Variants in SP2 observed in about 807,000 individuals in gnomAD.
SP2 encodes the protein Sp2 transcription factor.
A neutral mutation model predicts 50.1 loss-of-function variants in SP2; 9 were observed. The ratio of observed to expected loss-of-function variants is 0.18; its 90% CI spans 0.11 to 0.31. SP2 has a LOEUF of 0.31. SP2 is among the 10% of genes least tolerant of loss of function. The probability of loss-of-function intolerance (pLI) is 1.00; values close to 1 mark genes in which losing one functional copy is unlikely to be tolerated. For missense variants in SP2, 581 were observed against 806.5 expected, an observed-to-expected ratio of 0.72 and a Z score of 3.39; for synonymous variants, 313 against 326.6, an observed-to-expected ratio of 0.96 and a Z score of 0.45.
chr17:47,912,395 T>C (rs1328561368), intron 1 of SP2, among the ~76,000 whole-genome samples: 1 of 152,102 alleles, frequency 6.6e-6, no homozygotes, highest in Non-Finnish European at 1.5e-5. Flanking sequence ...ACTGGTGTGC[T>C]TTCTTACCAG....
intron 1 of SP2, 149 bp from the exon 2 acceptor site, chr17:47,915,163 A>C (rs2035141927): frequency 1.7e-6 from 1 of 600,858 alleles, no homozygotes; most frequent in East Asian, 2.9e-5. Context: ...CCGTGAGCCT[A>C]GATCATGCCA....
intron 3 of SP2, among the ~76,000 whole-genome samples, chr17:47,920,358 C>T (rs2035402033): frequency 1.3e-5 from 2 of 151,176 alleles, no homozygotes. Flanking sequence ...GGCGCCATCT[C>T]GGCTCACTGC....
chr17:47,927,881 G>T lies in SP2; in HGVS notation c.*57G>T. The stretch of plus-strand genomic sequence containing the variant: ...AGTCCCCCACCTGTGTCCTCCCTGG[G>T]CCCCTGGTGGAAAGGAGCCCTGTGG... On this transcript the variant is annotated 3_prime_UTR_variant, in exon 7 of 7. Coordinates refer to ENST00000376741, the MANE Select transcript of SP2 (RefSeq NM_003110.6). The T allele has an allele frequency of 4.6e-6, 5 of 1,093,556 alleles. No individual in the cohort carries two copies. Among genetic ancestry groups the T allele is most frequent in the Non-Finnish European group, 6.9e-6 (5 of 729,468 alleles). The allele number at this position is 1,093,556 out of a possible 1,614,324, so 67.7% of individuals were successfully genotyped here.
At chr17:47,920,008 T>A (rs544759470) in intron 3 of SP2, among the ~76,000 whole-genome samples, 1 of 151,608 alleles carries the variant, frequency 6.6e-6, no homozygotes, top group Admixed American at 6.6e-5. Flanking sequence ...GGCTAATTTT[T>A]TTTGTATTTT....
intron 1 of SP2, 56 bp from the exon 2 acceptor site, chr17:47,915,256 G>C: frequency 8.1e-7 from 1 of 1,234,960 alleles, no homozygotes; most frequent in Non-Finnish European, 1.1e-6. Flanking sequence ...GAGGCAAGTG[G>C]GCTTGCGTTC....
chr17:47,904,935 A>G (rs2034699470), intron 1 of SP2, among the ~76,000 whole-genome samples: 2 of 152,046 alleles, frequency 1.3e-5, no homozygotes, highest in Non-Finnish European at 2.9e-5. Context: ...ACACCCAGCT[A>G]GTTTGTAAAC....
At chr17:47,915,534 A>C (rs1469155848) in intron 2 of SP2, 146 bp downstream of exon 2, 2 of 515,754 alleles carry the variant, frequency 3.9e-6, no homozygotes, top group African/African-American at 2.0e-5. Flanking sequence ...CTTTACTGAG[A>C]AACTATGGCC....
intron 1 of SP2, chr17:47,908,463 T>G (rs2034849750): frequency 6.6e-6 from 1 of 152,154 alleles, no homozygotes. Flanking sequence ...AGCAACAAAC[T>G]CATCTTGTAT....
rs140904018 is a variant in SP2 at position 47,911,182 on chromosome 17, C to T, written c.8-4130C>T. ...CAGAGGTTGCGGTGAGCCGAGATCA[C>T]GCCACTGCTCTCCAGCCAGGGTGAT... On this transcript the variant is annotated intron_variant, in intron 1 of 6. Coordinates refer to ENST00000376741, the MANE Select transcript of SP2 (RefSeq NM_003110.6). Among the ~76,000 whole-genome samples, 620 of 152,030 alleles carry T rather than the reference C, an allele frequency of 4.1e-3. 9 individuals carry two copies. Among genetic ancestry groups the T allele is most frequent in the African/African-American group, 0.013 (542 of 41,446 alleles).
chr17:47,896,297 G>A lies in SP2; in HGVS notation c.7+4G>A. On this transcript the variant is annotated splice_donor_region_variant and intron_variant, in intron 1 of 6. Coordinates refer to ENST00000376741, the MANE Select transcript of SP2 (RefSeq NM_003110.6). Reference sequence around the variant, plus strand: ...GAGGAAGATGTCGTAATGAGCGGTGGGTCCCGGCCGCTGCCGGCGGGGTCT... The same window carrying A: ...GAGGAAGATGTCGTAATGAGCGGTGAGTCCCGGCCGCTGCCGGCGGGGTCT... The A allele has an allele frequency of 1.6e-6, 2 of 1,238,722 alleles. No individual in the cohort carries two copies. 76.7% of individuals were successfully genotyped at this position (1,238,722 alleles called of 1,614,324 possible). A position where few individuals can be genotyped will look rare whatever the true frequency, so the allele number is the denominator to read the frequency against.
intron 1 of SP2, among the ~76,000 whole-genome samples, chr17:47,896,611 T>A (rs2034344380): frequency 6.6e-6 from 1 of 152,052 alleles, no homozygotes; most frequent in Non-Finnish European, 1.5e-5. Flanking sequence ...CTCGGACGGG[T>A]GCCGACCCAC....
In SP2 at chr17:47,924,912, C is replaced by A. The variant is rs766192421; in HGVS notation, c.1373-7C>A. On this transcript the variant is annotated splice_polypyrimidine_tract_variant and splice_region_variant and intron_variant, in intron 4 of 6. Transcript: ENST00000376741. ...ACCCTGAACTCTGCCCCTCTTTGTC[C>A]CCACAGGGCAGCAGCAGCTGACAGT... 1 of 1,577,410 alleles carries A rather than the reference C, an allele frequency of 6.3e-7. No homozygotes were observed. The highest frequency in any genetic ancestry group is 1.1e-5 in the South Asian group (1 of 87,930).
chr17:47,928,859 G>T lies in SP2; in HGVS notation c.*1035G>T, dbSNP rs1405504185. On this transcript the variant is annotated 3_prime_UTR_variant, in exon 7 of 7. Transcript: ENST00000376741. Reference sequence around the variant, plus strand: ...GGTATGTTTTATGAATTAAGTGACAGATTTGTTATCCTTTATTAACGTACT... The same window carrying T: ...GGTATGTTTTATGAATTAAGTGACATATTTGTTATCCTTTATTAACGTACT... 1 of 152,692 alleles carries T rather than the reference G, an allele frequency of 6.5e-6. No individual in the cohort carries two copies. Among genetic ancestry groups the T allele is most frequent in the Non-Finnish European group, 1.5e-5 (1 of 68,056 alleles). The allele number at this position is 152,692 out of a possible 1,614,324, so 9.5% of individuals were successfully genotyped here. A position where few individuals can be genotyped will look rare whatever the true frequency, so the allele number is the denominator to read the frequency against.
At chr17:47,910,432 T>TAG (rs985563473) in intron 1 of SP2, among the ~76,000 whole-genome samples, 1 of 152,226 alleles carries the variant, frequency 6.6e-6, no homozygotes, top group African/African-American at 2.4e-5. Flanking sequence ...CGTGGTCTGA[T>TAG]AGTTTGAACA....
chr17:47,917,258 A>G, intron 3 of SP2, 128 bp downstream of exon 3: 1 of 947,632 alleles, frequency 1.1e-6, no homozygotes, highest in Non-Finnish European at 1.6e-6. Flanking sequence ...TGGGGTGGGC[A>G]GTAAGTGGCC....
intron 1 of SP2, among the ~76,000 whole-genome samples, chr17:47,912,305 A>G (rs1488151123): frequency 6.6e-6 from 1 of 152,006 alleles, no homozygotes; most frequent in Non-Finnish European, 1.5e-5. Flanking sequence ...CTCCATACAC[A>G]TTTGCAGGTG....
chr17:47,925,378 G>T lies in SP2; in HGVS notation c.1578G>T (p.Val526=), dbSNP rs1130932. The T allele has an allele frequency of 0.44, 715,934 of 1,613,330 alleles. 162,435 individuals are homozygous for T. The highest frequency in any genetic ancestry group is 0.76 in the East Asian group (34,123 of 44,876). Residue 526 remains valine, a synonymous_variant, in exon 6 of 7, where the codon GTG becomes GTT. Coordinates refer to ENST00000376741, the MANE Select transcript of SP2 (RefSeq NM_003110.6). ...RSGEQGKKKH[V]CHIPDCGKTF... is the part of the protein sequence containing the mutation. ...GAGAGCAGGGCAAGAAGAAGCACGT[G>T]TGCCACATCCCCGACTGTGGCAAGA...
Position 47,928,136 on chromosome 17 carries a change from A to C in SP2, c.*312A>C. The stretch of plus-strand genomic sequence containing the variant: ...TTTCCAAAGGAAAAACATGCATTTC[A>C]CTCCGTCGAGGAGCAAAGTGAGCCC... On this transcript the variant is annotated 3_prime_UTR_variant, in exon 7 of 7. Coordinates refer to ENST00000376741, the MANE Select transcript of SP2 (RefSeq NM_003110.6). 1 of 248,220 alleles carries C rather than the reference A, an allele frequency of 4.0e-6. No homozygotes were observed. Among genetic ancestry groups the C allele is most frequent in the Non-Finnish European group, 8.0e-6 (1 of 124,800 alleles). 15.4% of individuals were successfully genotyped at this position (248,220 alleles called of 1,614,324 possible).
intron 1 of SP2, among the ~76,000 whole-genome samples, chr17:47,913,837 A>G (rs917197225): frequency 2.6e-5 from 4 of 152,234 alleles, no homozygotes; most frequent in African/African-American, 9.6e-5. Context: ...ACAGAAAACC[A>G]AGGTGCAAAA....
Sources: allele counts gnomAD v4.1 joint callset (sites outside exome capture counted in the v4.1 genomes callset), GRCh38; gene constraint gnomAD v4.1.1; transcripts MANE v1.5; gene names NCBI Gene and HGNC (gene_info 2026-07-23, HGNC 2026-07-21).